The following HSD17B11 variants were observed in gnomAD, a reference collection of about 807,000 sequenced individuals.
HSD17B11 encodes estradiol 17-beta-dehydrogenase 11.
A neutral mutation model predicts 27.8 loss-of-function variants in HSD17B11; 22 were observed. The ratio of observed to expected loss-of-function variants is 0.79; its 90% CI spans 0.56 to 1.13. The LOEUF is 1.13. Ranked by LOEUF, HSD17B11 falls within the 50% of genes most tolerant of loss-of-function variation. The probability of loss-of-function intolerance (pLI) is 0.00; values close to 1 mark genes in which losing one functional copy is unlikely to be tolerated. For missense variants in HSD17B11, 314 were observed against 351.1 expected, an observed-to-expected ratio of 0.89 and a Z score of 0.84; for synonymous variants, 117 against 132.8, an observed-to-expected ratio of 0.88 and a Z score of 0.82.
chr4:87,339,111 A>G (rs12643799), intron 6 of HSD17B11, among the ~76,000 whole-genome samples: 77,781 of 151,964 alleles, frequency 0.51, 20,174 homozygotes, highest in Non-Finnish European at 0.55. Flanking sequence ...CAAAATGCAG[A>G]GCATACAGTG....
rs752199581 is a variant in HSD17B11, at chr4:87,370,193, T to C, written c.557+2516A>G. 3.9e-5 allele frequency among the ~76,000 whole-genome samples: 6 copies of C among 152,124 alleles called. No individual in the cohort carries two copies. In the East Asian group the frequency reaches 1.2e-3, roughly 29 times the overall value. ...CTCATTTCATCCCAAAAACTAGGCG[T>C]CAGAGCATATATGATGAATTCCACT... On this transcript the variant is annotated intron_variant, in intron 4 of 6. Transcript: ENST00000358290.
chr4:87,370,948 T>C (rs1187961560), intron 4 of HSD17B11, among the ~76,000 whole-genome samples: 1 of 124,218 alleles, frequency 8.1e-6, no homozygotes, highest in African/African-American at 3.7e-5. Context: ...GAGACGGGGT[T>C]TCACCGTGTT....
chr4:87,371,236 C>G (rs1735711479), intron 4 of HSD17B11, among the ~76,000 whole-genome samples: 3 of 152,032 alleles, frequency 2.0e-5, no homozygotes. Flanking sequence ...ATAGAATGGA[C>G]AAATAAATTG....
intron 3 of HSD17B11, 116 bp downstream of exon 3, chr4:87,374,583 T>C (rs1413182078): frequency 5.4e-6 from 5 of 922,098 alleles, no homozygotes; most frequent in Non-Finnish European, 8.3e-6. Flanking sequence ...ATGTTATCCC[T>C]GGTGCCTGGA....
intron 4 of HSD17B11, chr4:87,366,100 C>T (rs1369689989): frequency 1.3e-5 from 2 of 152,204 alleles, no homozygotes; most frequent in African/African-American, 4.8e-5. Flanking sequence ...AGGTGATCCA[C>T]CCATCTTGGC....
At chr4:87,357,949 A>ATTTTTTTTTTTTTTTTTTTTTTTTTTTT (rs57139706) in intron 4 of HSD17B11, among the ~76,000 whole-genome samples, 3 of 80,172 alleles carry the variant, frequency 3.7e-5, no homozygotes, top group Admixed American at 1.8e-4. Context: ...CATTAGAGAA[A>ATTTTTTTTTTTTTTTTTTTTTTTTTTTT]TTTTTTTTTT....
At chr4:87,386,731 C>T (rs1249937779) in intron 1 of HSD17B11, among the ~76,000 whole-genome samples, 1 of 152,104 alleles carries the variant, frequency 6.6e-6, no homozygotes, top group Admixed American at 6.5e-5. Flanking sequence ...ACACCCATTA[C>T]CTTGATTACT....
chr4:87,338,465 A>G (rs564849860), intron 6 of HSD17B11, among the ~76,000 whole-genome samples: 1 of 152,362 alleles, frequency 6.6e-6, no homozygotes, highest in Admixed American at 6.5e-5. Context: ...TGATAATAAT[A>G]ATAGTAGTAG....
intron 2 of HSD17B11, among the ~76,000 whole-genome samples, chr4:87,380,954 G>A (rs1720148225): frequency 6.6e-6 from 1 of 150,610 alleles, no homozygotes; most frequent in Non-Finnish European, 1.5e-5. Context: ...GCCAAGGAGG[G>A]TGGATCACTT....
At position 87,378,824 on chromosome 4, in the gene HSD17B11, ATATAT is replaced by A. The variant is rs1237322270; in HGVS notation, c.318+3426_318+3430del. Among the ~76,000 whole-genome samples the A allele has an allele frequency of 1.1e-4, 3 of 26,680 alleles. 1 individual carries two copies. Among genetic ancestry groups the A allele is most frequent in the Non-Finnish European group, 2.2e-4 (3 of 13,594 alleles). The allele number at this position is 26,680 out of a possible 152,430, so 17.5% of individuals were successfully genotyped here. A position where few individuals can be genotyped will look rare whatever the true frequency, so the allele number is the denominator to read the frequency against. On this transcript the variant is annotated intron_variant, in intron 2 of 6. Transcript: ENST00000358290. ...ATATATATATATAAATATAAAATAT[ATATAT>A]AAATATATATATATAAATATATATA...
intron 2 of HSD17B11, among the ~76,000 whole-genome samples, chr4:87,378,978 G>A (rs1720053714): frequency 1.0e-5 from 1 of 95,378 alleles, no homozygotes; most frequent in Non-Finnish European, 2.1e-5. Flanking sequence ...TTTTTTTTGA[G>A]ATGGTGTCTT....
intron 4 of HSD17B11, among the ~76,000 whole-genome samples, chr4:87,371,969 G>A (rs574466947): frequency 1.3e-4 from 20 of 152,274 alleles, no homozygotes; most frequent in Middle Eastern, 3.4e-3. Context: ...TCGGCTGGGC[G>A]AGGTGGCTTA....
Position 87,374,784 on chromosome 4 carries a change from C to A in HSD17B11, c.365G>T (p.Gly122Val). Residue 122 changes from glycine (G) to valine (V), a missense_variant, in exon 3 of 7, where the codon GGT (glycine) becomes GTT (valine). Coordinates refer to ENST00000358290, the MANE Select transcript of HSD17B11 (RefSeq NM_016245.5). ...AAACAAATCTGATGTATAGACTACA[C>A]CAGCATTATTTACTAAAATACTAAC... ...GDVSILVNNAGVVYTSDLFAT... is the reference protein window; with the variant it reads ...GDVSILVNNAVVVYTSDLFAT... 6.3e-7 allele frequency: 1 copy of A among 1,589,482 alleles called. No individual in the cohort carries two copies. Among genetic ancestry groups the A allele is most frequent in the South Asian group, 1.1e-5 (1 of 86,976 alleles).
At chr4:87,344,314 C>T (rs1425033709) in intron 5 of HSD17B11, among the ~76,000 whole-genome samples, 2 of 152,076 alleles carry the variant, frequency 1.3e-5, no homozygotes, top group African/African-American at 4.8e-5. Context: ...TGATGTTCAA[C>T]AGAAATAAAT....
In HSD17B11 at chr4:87,374,847, A is replaced by G. The variant is rs777967542; in HGVS notation, c.319-17T>C. 3 of 1,539,578 alleles carry G rather than the reference A, an allele frequency of 1.9e-6. No homozygotes were observed. Among genetic ancestry groups the G allele is most frequent in the Non-Finnish European group, 2.6e-6 (3 of 1,136,058 alleles). On this transcript the variant is annotated splice_polypyrimidine_tract_variant and intron_variant, in intron 2 of 6. Transcript: ENST00000358290. ...TGCCTTCACCTTCAAAAAATAAAAT[A>G]AGAAAAGTAAATTCATTAAGAGGTA...
chr4:87,339,143 T>G (rs1290762797), intron 6 of HSD17B11, among the ~76,000 whole-genome samples: 3 of 152,214 alleles, frequency 2.0e-5, no homozygotes, highest in Non-Finnish European at 2.9e-5. Context: ...GCAAAATTCC[T>G]TCTTCTATAG....
chr4:87,369,232 A>ATAAC (rs1419933053), intron 4 of HSD17B11, among the ~76,000 whole-genome samples: 3 of 152,208 alleles, frequency 2.0e-5, no homozygotes, highest in African/African-American at 7.2e-5. Context: ...TGTAAAAGGA[A>ATAAC]TAACATATTT....
Position 87,354,657 on chromosome 4 carries a change from A to T in HSD17B11, c.695+2622T>A, listed in dbSNP as rs551388307. On this transcript the variant is annotated intron_variant, in intron 5 of 6. Transcript: ENST00000358290. ...ATCCTTGTCTCAAAAAAAATAAAAA[A>T]AATAAAAAAAGGAAAAAAATTAGAA... Among the ~76,000 whole-genome samples, 593 of 151,864 alleles carry T rather than the reference A, an allele frequency of 3.9e-3. 8 individuals are homozygous for T. Among genetic ancestry groups the T allele is most frequent in the African/African-American group, 0.013 (551 of 41,396 alleles).
At chr4:87,367,744 G>A (rs1461797333) in intron 4 of HSD17B11, among the ~76,000 whole-genome samples, 1 of 152,124 alleles carries the variant, frequency 6.6e-6, no homozygotes, top group Non-Finnish European at 1.5e-5. Context: ...ACCAACCAGG[G>A]ATCTCTAACT....
Sources: allele counts gnomAD v4.1 joint callset (sites outside exome capture counted in the v4.1 genomes callset), GRCh38; gene constraint gnomAD v4.1.1; transcripts MANE v1.5; gene names NCBI Gene and HGNC (gene_info 2026-07-23, HGNC 2026-07-21).